The following SAFB2 variants were observed in gnomAD, a reference collection of about 807,000 sequenced individuals.
SAFB2 encodes the protein scaffold attachment factor B2.
A neutral mutation model predicts 100.6 loss-of-function variants in SAFB2; 32 were observed. That is an observed-to-expected ratio of 0.32 (90% CI 0.24 to 0.43). SAFB2 has a LOEUF of 0.43. SAFB2 is among the 20% of genes least tolerant of loss of function. The pLI, the probability that SAFB2 is intolerant of heterozygous loss-of-function variation, is 1.00. For missense variants in SAFB2, 1,185 were observed against 1,163.4 expected (o/e 1.02, Z -0.27); for synonymous variants, 500 against 439.4 (o/e 1.14, Z -1.72).
At chr19:5,620,598 C>G (rs1008994565) in intron 2 of SAFB2, among the ~76,000 whole-genome samples, 1 of 152,240 alleles carries the variant, frequency 6.6e-6, no homozygotes, top group East Asian at 1.9e-4. Flanking sequence ...ACAATTCCAT[C>G]TACATGAAAT....
intron 17 of SAFB2, 151 bp downstream of exon 17, chr19:5,591,597 C>A (rs923435637): frequency 7.6e-6 from 5 of 656,342 alleles, no homozygotes; most frequent in Non-Finnish European, 1.3e-5. Context: ...TACTTCTAGT[C>A]GCTGGCCAGA....
chr19:5,618,861 T>G (rs1599283599), intron 2 of SAFB2, among the ~76,000 whole-genome samples: 1 of 152,244 alleles, frequency 6.6e-6, no homozygotes, highest in Non-Finnish European at 1.5e-5. Flanking sequence ...AATCCAACTT[T>G]AATCCCACAT....
chr19:5,594,554 C>T (rs1277491382), intron 14 of SAFB2, among the ~76,000 whole-genome samples: 10 of 147,894 alleles, frequency 6.8e-5, no homozygotes, highest in African/African-American at 2.4e-4. Context: ...AGAAGGGAGC[C>T]GCGGCAAAAT....
chr19:5,617,173 C>G (rs1222553917), intron 2 of SAFB2, among the ~76,000 whole-genome samples: 1 of 152,148 alleles, frequency 6.6e-6, no homozygotes, highest in East Asian at 1.9e-4. Context: ...AACCAAAGAA[C>G]TGCAACATAA....
At chr19:5,619,706 G>A (rs1388641404) in intron 2 of SAFB2, among the ~76,000 whole-genome samples, 2 of 152,186 alleles carry the variant, frequency 1.3e-5, no homozygotes, top group African/African-American at 4.8e-5. Flanking sequence ...GTAGCTGGGC[G>A]TGGCGACGGG....
intron 16 of SAFB2, among the ~76,000 whole-genome samples, chr19:5,592,273 T>C (rs2052425212): frequency 6.6e-6 from 1 of 152,172 alleles, no homozygotes; most frequent in Non-Finnish European, 1.5e-5. Flanking sequence ...AAGACAGGAT[T>C]CTTACACTGG....
intron 11 of SAFB2, among the ~76,000 whole-genome samples, chr19:5,600,704 C>CA (rs755860488): frequency 3.5e-4 from 54 of 152,326 alleles, no homozygotes; most frequent in Non-Finnish European, 7.1e-4. Flanking sequence ...GGCAGGACAC[C>CA]AAGCCCCCAC....
At chr19:5,590,917 G>A (rs1419716077) in intron 17 of SAFB2, among the ~76,000 whole-genome samples, 1 of 152,152 alleles carries the variant, frequency 6.6e-6, no homozygotes, top group Non-Finnish European at 1.5e-5. Context: ...CTCTCCACCA[G>A]GCTGCTGCTT....
intron 7 of SAFB2, 188 bp from the exon 8 acceptor site, chr19:5,610,876 C>A: frequency 1.3e-6 from 1 of 773,614 alleles, no homozygotes; most frequent in Non-Finnish European, 2.0e-6. Context: ...TTGTAAAAGT[C>A]AATTCGATTT....
At chr19:5,609,935 G>T in intron 9 of SAFB2, 60 bp downstream of exon 9, 1 of 1,447,720 alleles carries the variant, frequency 6.9e-7, no homozygotes, top group Non-Finnish European at 9.6e-7. Flanking sequence ...ACCGTGCCCA[G>T]CAGAGCTTCC....
At chr19:5,610,733 G>A (rs1437674960) in intron 7 of SAFB2, 45 bp from the exon 8 acceptor site, 1 of 1,333,640 alleles carries the variant, frequency 7.5e-7, no homozygotes. Flanking sequence ...AAAAACGAAA[G>A]AGAACAAAAC....
chr19:5,619,014 C>T (rs2053089489), intron 2 of SAFB2, among the ~76,000 whole-genome samples: 1 of 152,198 alleles, frequency 6.6e-6, no homozygotes, highest in Non-Finnish European at 1.5e-5. Context: ...TTGGCTACTT[C>T]AGTTTTTGCA....
At chr19:5,588,016 G>T in intron 18 of SAFB2, 36 bp from the exon 19 acceptor site, 1 of 1,578,412 alleles carries the variant, frequency 6.3e-7, no homozygotes, top group Non-Finnish European at 8.6e-7. Context: ...GCCATCTAAT[G>T]AGCCTCCAGG....
chr19:5,587,406 A>G lies in SAFB2; in HGVS notation c.2706-7T>C. On this transcript the variant is annotated splice_polypyrimidine_tract_variant and splice_region_variant and intron_variant, in intron 20 of 20. Coordinates refer to ENST00000252542, the MANE Select transcript of SAFB2 (RefSeq NM_014649.3). The surrounding 1 kb of genome is among the most constrained non-coding windows in gnomAD (Gnocchi z 4.9). ...TTGTGCAAAGCCGCCTCGCCTAGGA[A>G]CAAAGTCAGACAATTTTTTTCCCCT... 3.7e-6 allele frequency: 6 copies of G among 1,605,204 alleles called. No individual in the cohort carries two copies. Among genetic ancestry groups the G allele is most frequent in the Non-Finnish European group, 5.1e-6 (6 of 1,175,700 alleles).
rs771325835 is a variant in SAFB2, at chr19:5,594,152, T to TGCTCCC, written c.1940_1945dup (p.Arg647_Glu648dup). 36 of 1,599,670 alleles carry TGCTCCC rather than the reference T, an allele frequency of 2.3e-5. No individual in the cohort carries two copies. Among genetic ancestry groups the TGCTCCC allele is most frequent in the Non-Finnish European group, 2.9e-5 (34 of 1,178,248 alleles). On this transcript the variant is annotated inframe_insertion, in exon 15 of 21. Transcript: ENST00000252542. ...CCGCTCATGGAAGGCCTCGAGGCGT[T>TGCTCCC]GCTCCCGCTCCCGCTGCTCGCGCTC...
chr19:5,618,050 G>A lies in SAFB2; in HGVS notation c.275-1564C>T, dbSNP rs4807799. On this transcript the variant is annotated intron_variant, in intron 2 of 20. Transcript: ENST00000252542. ...TCTGAATTACCGGTGAGAATGAGGT[G>A]GGAGGATGCTCCGAGCCTGAGAGCT... Among the ~76,000 whole-genome samples the A allele has an allele frequency of 8.4e-3, 1,279 of 152,230 alleles. 13 individuals are homozygous for A. The highest frequency in any genetic ancestry group is 0.013 in the South Asian group (62 of 4,822).
In SAFB2 at chr19:5,587,670, A is replaced by G. The variant is rs1267965619; in HGVS notation, c.2705+31T>C. 6.5e-7 allele frequency: 1 copy of G among 1,528,044 alleles called. No individual in the cohort carries two copies. The highest frequency in any genetic ancestry group is 1.2e-5 in the South Asian group (1 of 82,072). 94.7% of individuals were successfully genotyped at this position (1,528,044 alleles called of 1,614,324 possible). A position where few individuals can be genotyped will look rare whatever the true frequency, so the allele number is the denominator to read the frequency against. On this transcript the variant is annotated intron_variant, in intron 20 of 20. Transcript: ENST00000252542. The surrounding 1 kb of genome is among the most constrained non-coding windows in gnomAD (Gnocchi z 4.9). ...GAGAGGAAGTGAGGAGCAGGAGTGA[A>G]CCACCGTCCTCCACGGACGACACAC...
At chr19:5,610,186 A>G (rs1179745989) in intron 8 of SAFB2, 91 bp from the exon 9 acceptor site, 4 of 969,814 alleles carry the variant, frequency 4.1e-6, no homozygotes, top group African/African-American at 3.2e-5. Flanking sequence ...TAAAAACCCT[A>G]ACGACGCCCA....
chr19:5,613,868 T>G lies in SAFB2; in HGVS notation c.544-341A>C, dbSNP rs535147141. 4 of 410,702 alleles carry G rather than the reference T, an allele frequency of 9.7e-6. No individual in the cohort carries two copies. The Admixed American group carries it at 2.6e-4, about 26-fold the overall frequency. 25.4% of individuals were successfully genotyped at this position (410,702 alleles called of 1,614,324 possible). On this transcript the variant is annotated intron_variant, in intron 4 of 20. Transcript: ENST00000252542. ...CAAAGCAGAACTCAAAATGATAAAA[T>G]GCACCCCTCCAATTTCACCTGGTAG...
Sources: allele counts gnomAD v4.1 joint callset (sites outside exome capture counted in the v4.1 genomes callset), GRCh38; gene constraint gnomAD v4.1.1; non-coding constraint Gnocchi (gnomAD v3.1); transcripts MANE v1.5; gene names NCBI Gene and HGNC (gene_info 2026-07-23, HGNC 2026-07-21).